ANGPT1: variants seen among roughly 807,000 people sequenced by gnomAD.
The protein encoded by ANGPT1 is angiopoietin-1.
Under a neutral mutation model 62.2 loss-of-function variants are expected in ANGPT1, and 17 were observed. That is an observed-to-expected ratio of 0.27 (90% CI 0.19 to 0.41). ANGPT1 has a LOEUF of 0.41. Among genes scored for constraint, ANGPT1 ranks in the 10% least tolerant of loss-of-function variants. ANGPT1 has a pLI of 1.00. For missense variants in ANGPT1, 478 were observed against 594.9 expected, an observed-to-expected ratio of 0.80 and a Z score of 2.04; for synonymous variants, 199 against 198.9, an observed-to-expected ratio of 1.00 and a Z score of 0.00.
At chr8:107,286,726 A>T (rs1005169730) in intron 6 of ANGPT1, among the ~76,000 whole-genome samples, 1 of 152,156 alleles carries the variant, frequency 6.6e-6, no homozygotes, top group Admixed American at 6.6e-5. Flanking sequence ...CCCATAGCTC[A>T]CAGTAAAGCT....
intron 7 of ANGPT1, among the ~76,000 whole-genome samples, chr8:107,272,591 G>A (rs1475680914): frequency 1.3e-5 from 2 of 151,794 alleles, no homozygotes; most frequent in African/African-American, 4.8e-5. Flanking sequence ...TTAGTGTTTT[G>A]CAGTGATAGA....
chr8:107,303,448 A>T, intron 4 of ANGPT1, 81 bp from the exon 5 acceptor site: 1 of 1,207,244 alleles, frequency 8.3e-7, no homozygotes, highest in Non-Finnish European at 1.2e-6. Context: ...ATAGCTAAGC[A>T]TGTCTTCATT....
rs187152394 is a variant in ANGPT1 at position 107,279,508 on chromosome 8, A to G, written c.1205+5174T>C. On this transcript the variant is annotated intron_variant, in intron 7 of 8. Coordinates refer to ENST00000517746, the MANE Select transcript of ANGPT1 (RefSeq NM_001146.5). ...GAGGATGCCCATATGGTGGGTAGTT[A>G]TAAGACCAAATTTCAAATCGGACTC... is the stretch of plus-strand genomic sequence containing the variant. Among the ~76,000 whole-genome samples the G allele has an allele frequency of 2.0e-3, 304 of 152,270 alleles. 1 individual carries two copies. The highest frequency in any genetic ancestry group is 3.8e-3 in the Non-Finnish European group (258 of 68,020).
intron 1 of ANGPT1, among the ~76,000 whole-genome samples, chr8:107,469,733 G>A (rs1248128561): frequency 1.3e-5 from 2 of 151,984 alleles, no homozygotes; most frequent in African/African-American, 4.8e-5. Context: ...CCTACTTTAT[G>A]CAATTTTATC....
intron 8 of ANGPT1, among the ~76,000 whole-genome samples, chr8:107,252,929 C>T (rs1018195199): frequency 6.6e-6 from 1 of 152,130 alleles, no homozygotes; most frequent in Non-Finnish European, 1.5e-5. Flanking sequence ...CAGTTGACCT[C>T]TCTTTGATTA....
intron 1 of ANGPT1, among the ~76,000 whole-genome samples, chr8:107,408,508 G>C (rs1167527745): frequency 3.5e-5 from 1 of 28,670 alleles, no homozygotes; most frequent in African/African-American, 1.5e-4. Context: ...AAACAAAGTA[G>C]GAGATAGGGT....
At chr8:107,427,487 C>T (rs1163351036) in intron 1 of ANGPT1, among the ~76,000 whole-genome samples, 1 of 152,188 alleles carries the variant, frequency 6.6e-6, no homozygotes, top group African/African-American at 2.4e-5. Flanking sequence ...CTTGCAGACG[C>T]TCTCCTGAAG....
chr8:107,265,253 TTCAACTAGCATC>T (rs1487243375), intron 7 of ANGPT1, among the ~76,000 whole-genome samples: 1 of 152,202 alleles, frequency 6.6e-6, no homozygotes, highest in Admixed American at 6.5e-5. Flanking sequence ...AATGTTTGTT[TTCAACTAGCATC>T]TCAGATTTCT....
At chr8:107,362,329 T>C (rs1816183366) in intron 1 of ANGPT1, among the ~76,000 whole-genome samples, 1 of 152,190 alleles carries the variant, frequency 6.6e-6, no homozygotes, top group African/African-American at 2.4e-5. Context: ...GTGGAAATAT[T>C]CTCTACAAGA....
intron 1 of ANGPT1, among the ~76,000 whole-genome samples, chr8:107,360,075 C>T (rs894672116): frequency 2.0e-5 from 3 of 152,094 alleles, no homozygotes; most frequent in Admixed American, 6.6e-5. Flanking sequence ...CAGTTTTCCT[C>T]GTCTAGTCTT....
chr8:107,461,083 T>A (rs1812059509), intron 1 of ANGPT1, among the ~76,000 whole-genome samples: 1 of 152,178 alleles, frequency 6.6e-6, no homozygotes, highest in South Asian at 2.1e-4. Context: ...TATCTAAATA[T>A]GTGTAACTAA....
At chr8:107,402,367 AC>A (rs1243130739) in intron 1 of ANGPT1, among the ~76,000 whole-genome samples, 3 of 152,118 alleles carry the variant, frequency 2.0e-5, no homozygotes, top group Admixed American at 1.3e-4. Context: ...GATCCTAGAG[AC>A]CCTTAAATAC....
intron 2 of ANGPT1, among the ~76,000 whole-genome samples, chr8:107,342,560 T>C (rs1053696221): frequency 6.6e-6 from 1 of 152,114 alleles, no homozygotes; most frequent in African/African-American, 2.4e-5. Context: ...TGCAGCTGTG[T>C]CCAATAAAAC....
intron 8 of ANGPT1, among the ~76,000 whole-genome samples, chr8:107,257,926 TTCTCTCTCTC>T (rs142506893): frequency 1.6e-5 from 2 of 121,974 alleles, no homozygotes; most frequent in African/African-American, 6.1e-5. Context: ...TGTTCTTTCT[TTCTCTCTCTC>T]TCTCTCTCTC....
chr8:107,393,553 T>C lies in ANGPT1; in HGVS notation c.298-46456A>G, dbSNP rs2130309337. ...GGTTGGGTGCAGCGGCTCACGCCTG[T>C]AATCCTAGCACTTTGGGAGGTGGAG... On this transcript the variant is annotated intron_variant, in intron 1 of 8. Transcript: ENST00000517746. Among the ~76,000 whole-genome samples, 2 of 152,298 alleles carry C rather than the reference T, an allele frequency of 1.3e-5. 1 individual carries two copies. The highest frequency in any genetic ancestry group is 4.1e-4 in the South Asian group (2 of 4,820).
chr8:107,360,968 A>T (rs1232387225), intron 1 of ANGPT1, among the ~76,000 whole-genome samples: 2 of 152,174 alleles, frequency 1.3e-5, no homozygotes, highest in Non-Finnish European at 2.9e-5. Context: ...GTGACATGCT[A>T]TTTATGGCCA....
intron 1 of ANGPT1, among the ~76,000 whole-genome samples, chr8:107,359,253 A>C (rs549711050): frequency 6.6e-6 from 1 of 152,264 alleles, no homozygotes; most frequent in African/African-American, 2.4e-5. Flanking sequence ...TGTTACCCTG[A>C]GTTCTAGCTC....
intron 1 of ANGPT1, among the ~76,000 whole-genome samples, chr8:107,382,475 A>G (rs1586275833): frequency 6.6e-6 from 1 of 152,126 alleles, no homozygotes; most frequent in South Asian, 2.1e-4. Flanking sequence ...TATGTGCTCC[A>G]TAGCACCAGG....
At chr8:107,435,003 T>C (rs11778162) in intron 1 of ANGPT1, among the ~76,000 whole-genome samples, 10,092 of 152,200 alleles carry the variant, frequency 0.066, 442 homozygotes, top group African/African-American at 0.11. Flanking sequence ...CTAAATTAGA[T>C]TTTCTATGTA....
Sources: allele counts gnomAD v4.1 joint callset (sites outside exome capture counted in the v4.1 genomes callset), GRCh38; gene constraint gnomAD v4.1.1; transcripts MANE v1.5; gene names NCBI Gene and HGNC (gene_info 2026-07-23, HGNC 2026-07-21).